The following MACROD2 variants were observed in gnomAD, a reference collection of about 807,000 sequenced individuals.
The protein encoded by MACROD2 is ADP-ribose glycohydrolase MACROD2.
In MACROD2, 36 loss-of-function variants were observed where a neutral mutation model predicts 70.4. The observed-to-expected ratio is 0.51, with a 90% confidence interval of 0.39 to 0.68. The LOEUF is 0.68. MACROD2 is among the 30% of genes least tolerant of loss of function. MACROD2 has a pLI of 0.00. For missense variants in MACROD2, 496 were observed against 538.4 expected (o/e 0.92, Z 0.78); for synonymous variants, 172 against 178.8 (o/e 0.96, Z 0.30).
chr20:15,613,170 A>G (rs62196463), intron 8 of MACROD2, among the ~76,000 whole-genome samples: 65 of 152,274 alleles, frequency 4.3e-4, no homozygotes, highest in Non-Finnish European at 8.8e-4. Context: ...AGACACAGTG[A>G]CCCTGTTGAA....
At chr20:15,286,564 T>C (rs2077493883) in intron 6 of MACROD2, among the ~76,000 whole-genome samples, 1 of 150,730 alleles carries the variant, frequency 6.6e-6, no homozygotes, top group Non-Finnish European at 1.5e-5. Context: ...AGATAAGATA[T>C]GTTTTATATG....
intron 2 of MACROD2, among the ~76,000 whole-genome samples, chr20:14,009,532 C>T (rs1461776435): frequency 6.6e-6 from 1 of 152,128 alleles, no homozygotes; most frequent in Admixed American, 6.5e-5. Context: ...TAAATTAGCT[C>T]AACCATTGTG....
chr20:15,853,069 G>A (rs1003660880), intron 8 of MACROD2, among the ~76,000 whole-genome samples: 1 of 152,044 alleles, frequency 6.6e-6, no homozygotes, highest in Non-Finnish European at 1.5e-5. Context: ...GATAAAAAAG[G>A]TGCCCCTGAT....
intron 5 of MACROD2, among the ~76,000 whole-genome samples, chr20:14,861,361 G>C (rs1298954601): frequency 1.3e-5 from 2 of 151,996 alleles, no homozygotes; most frequent in Non-Finnish European, 2.9e-5. Context: ...CTAACAGCTG[G>C]GTTCCACGTC....
chr20:15,627,398 G>C (rs909816527), intron 8 of MACROD2, among the ~76,000 whole-genome samples: 1 of 152,148 alleles, frequency 6.6e-6, no homozygotes, highest in Non-Finnish European at 1.5e-5. Context: ...GGTAAAGAAA[G>C]AGTTTAATTG....
At chr20:14,152,477 A>G (rs149455210) in intron 3 of MACROD2, among the ~76,000 whole-genome samples, 2,053 of 144,678 alleles carry the variant, frequency 0.014, 20 homozygotes, top group South Asian at 0.038. Context: ...CCCAGGCTGG[A>G]GTGCAGTGGC....
intron 8 of MACROD2, among the ~76,000 whole-genome samples, chr20:15,674,599 G>A (rs1216512266): frequency 1.3e-5 from 2 of 152,030 alleles, no homozygotes; most frequent in Non-Finnish European, 2.9e-5. Context: ...ACCTTGAGTT[G>A]AAATGTGCCC....
Position 15,876,891 on chromosome 20 carries a change from T to G in MACROD2, c.728-8873T>G, listed in dbSNP as rs113130365. Reference sequence around the variant, plus strand: ...GATGATGATCATTTTTTCATGTGTCTGTTGGTCAGCCACATGTCTTTGAAG... The same window carrying G: ...GATGATGATCATTTTTTCATGTGTCGGTTGGTCAGCCACATGTCTTTGAAG... On this transcript the variant is annotated intron_variant, in intron 9 of 17. Coordinates refer to ENST00000684519, the MANE Select transcript of MACROD2 (RefSeq NM_001351661.2). Among the ~76,000 whole-genome samples the G allele has an allele frequency of 2.3e-3, 351 of 152,318 alleles. 2 individuals are homozygous for G. Among genetic ancestry groups the G allele is most frequent in the African/African-American group, 8.0e-3 (331 of 41,574 alleles).
At chr20:14,750,400 CAT>C (rs1419474210) in intron 5 of MACROD2, among the ~76,000 whole-genome samples, 1 of 152,026 alleles carries the variant, frequency 6.6e-6, no homozygotes, top group African/African-American at 2.4e-5. Flanking sequence ...TAGTGTAAAA[CAT>C]GTTATTTACG....
At chr20:15,912,627 A>G (rs1171138172) in intron 10 of MACROD2, among the ~76,000 whole-genome samples, 1 of 152,168 alleles carries the variant, frequency 6.6e-6, no homozygotes, top group South Asian at 2.1e-4. Context: ...AGCTTCATTG[A>G]CCACAAAAGT....
chr20:14,884,242 C>A (rs6042962), intron 5 of MACROD2: 44,880 of 152,022 alleles, frequency 0.3, 7,139 homozygotes, highest in East Asian at 0.51. Context: ...AACAAACCAC[C>A]CTAAAAGTTA....
chr20:15,558,943 A>G (rs2048204427), intron 8 of MACROD2, among the ~76,000 whole-genome samples: 1 of 152,214 alleles, frequency 6.6e-6, no homozygotes, highest in Non-Finnish European at 1.5e-5. Context: ...TGCTACTAGG[A>G]TCACATTTTC....
chr20:14,879,584 G>A (rs983564508), intron 5 of MACROD2, among the ~76,000 whole-genome samples: 2 of 152,166 alleles, frequency 1.3e-5, no homozygotes, highest in Admixed American at 1.3e-4. Context: ...GAGAAGATGA[G>A]ACATAAGCCT....
At chr20:15,923,614 C>G (rs547427221) in intron 10 of MACROD2, among the ~76,000 whole-genome samples, 1 of 152,268 alleles carries the variant, frequency 6.6e-6, no homozygotes, top group African/African-American at 2.4e-5. Context: ...GAACCAGAAC[C>G]CAGCTATTTG....
chr20:15,534,729 CAGACCTGGCTGCA>C (rs2047850734), intron 8 of MACROD2, among the ~76,000 whole-genome samples: 1 of 152,030 alleles, frequency 6.6e-6, no homozygotes, highest in African/African-American at 2.4e-5. Flanking sequence ...GATTTGATGC[CAGACCTGGCTGCA>C]AGGTAGTGTG....
intron 8 of MACROD2, among the ~76,000 whole-genome samples, chr20:15,561,696 G>A (rs1045325963): frequency 1.3e-5 from 2 of 152,084 alleles, no homozygotes; most frequent in African/African-American, 4.8e-5. Context: ...TTTGGCTTTT[G>A]TTATTTTATG....
chr20:14,876,176 T>C (rs916825482), intron 5 of MACROD2, among the ~76,000 whole-genome samples: 6 of 152,194 alleles, frequency 3.9e-5, no homozygotes, highest in Non-Finnish European at 7.4e-5. Context: ...CTGACTGGTG[T>C]GAAATGGTAT....
intron 5 of MACROD2, among the ~76,000 whole-genome samples, chr20:14,760,876 A>G (rs186679797): frequency 1.7e-4 from 26 of 152,250 alleles, no homozygotes; most frequent in Middle Eastern, 3.4e-3. Flanking sequence ...TGATTCGTCA[A>G]CGTTACTGAA....
intron 5 of MACROD2, among the ~76,000 whole-genome samples, chr20:14,846,857 T>G (rs1362502449): frequency 6.6e-6 from 1 of 152,190 alleles, no homozygotes; most frequent in Non-Finnish European, 1.5e-5. Flanking sequence ...TTAATTAAAT[T>G]TTATTTCAGT....
Sources: allele counts gnomAD v4.1 joint callset (sites outside exome capture counted in the v4.1 genomes callset), GRCh38; gene constraint gnomAD v4.1.1; transcripts MANE v1.5; gene names NCBI Gene and HGNC (gene_info 2026-07-23, HGNC 2026-07-21).